HCN1: variants seen among roughly 807,000 people sequenced by gnomAD.
The protein encoded by HCN1 is hyperpolarization activated cyclic nucleotide gated potassium channel 1.
In HCN1, 13 loss-of-function variants were observed where a neutral mutation model predicts 78.9. That is an observed-to-expected ratio of 0.16 (90% confidence interval 0.11 to 0.26). The LOEUF (loss-of-function observed/expected upper bound fraction) is 0.26, where lower values mean the gene tolerates loss of function less well. HCN1 is among the 10% of genes least tolerant of loss of function. The pLI, the probability that HCN1 is intolerant of heterozygous loss-of-function variation, is 1.00. For synonymous variants in HCN1, 552 were observed against 455.5 expected (o/e 1.21, Z -2.70); for missense variants, 810 against 1,154.3 (o/e 0.70, Z 4.32).
chr5:45,441,490 G>A (rs536575202), intron 3 of HCN1, among the ~76,000 whole-genome samples: 65 of 152,226 alleles, frequency 4.3e-4, no homozygotes, highest in Non-Finnish European at 7.8e-4. Context: ...AACAAGTGGA[G>A]GCAAATTGAT....
At chr5:45,472,766 C>T (rs893294080) in intron 2 of HCN1, among the ~76,000 whole-genome samples, 3 of 151,922 alleles carry the variant, frequency 2.0e-5, no homozygotes, top group African/African-American at 7.2e-5. Context: ...TATCACATGT[C>T]TGTAATAAAG....
intron 3 of HCN1, among the ~76,000 whole-genome samples, chr5:45,448,685 C>G (rs1176398282): frequency 6.6e-6 from 1 of 152,154 alleles, no homozygotes; most frequent in African/African-American, 2.4e-5. Flanking sequence ...TGCTTGTACT[C>G]TCAGCTACCT....
chr5:45,409,118 G>A (rs1413067460), intron 3 of HCN1, among the ~76,000 whole-genome samples: 1 of 151,892 alleles, frequency 6.6e-6, no homozygotes, highest in Non-Finnish European at 1.5e-5. Context: ...AAAGAATTTG[G>A]ACTTTTTATG....
chr5:45,285,318 C>A (rs1579779292), intron 6 of HCN1, among the ~76,000 whole-genome samples: 1 of 152,004 alleles, frequency 6.6e-6, no homozygotes, highest in African/African-American at 2.4e-5. Flanking sequence ...ACAATAAATC[C>A]AAAATATCTT....
intron 2 of HCN1, among the ~76,000 whole-genome samples, chr5:45,624,253 G>T (rs182251172): frequency 2.3e-4 from 35 of 152,316 alleles, no homozygotes; most frequent in African/African-American, 7.9e-4. Context: ...TATGGCAAGT[G>T]TAGAAGTAAT....
At chr5:45,618,572 T>C (rs1003125352) in intron 2 of HCN1, among the ~76,000 whole-genome samples, 4 of 152,084 alleles carry the variant, frequency 2.6e-5, no homozygotes, top group Admixed American at 6.6e-5. Context: ...AAAGAGCAGT[T>C]AGAGAACACG....
chr5:45,642,088 T>C (rs910361440), intron 2 of HCN1: 5 of 152,226 alleles, frequency 3.3e-5, no homozygotes, highest in Admixed American at 2.6e-4. Context: ...CTCAGCTTTC[T>C]AGCTATTACA....
rs568156994 is a variant in HCN1 at position 45,332,186 on chromosome 5, A to AT, written c.1377+20913dup. On this transcript the variant is annotated intron_variant, in intron 5 of 7. Coordinates refer to ENST00000303230, the MANE Select transcript of HCN1 (RefSeq NM_021072.4). ...GGCATCTTTCTAATCTTTTCTTAAAATTTTTTTGTGGGTACATAGTAGTTG... is the reference window on the plus strand; with the variant it reads ...GGCATCTTTCTAATCTTTTCTTAAAATTTTTTTTGTGGGTACATAGTAGTTG... Among the ~76,000 whole-genome samples the AT allele has an allele frequency of 8.7e-4, 132 of 151,460 alleles. 1 individual carries two copies. The highest frequency in any genetic ancestry group is 3.1e-3 in the African/African-American group (127 of 41,438).
intron 3 of HCN1, among the ~76,000 whole-genome samples, chr5:45,399,710 T>A (rs1211070914): frequency 6.6e-6 from 1 of 152,130 alleles, no homozygotes; most frequent in Non-Finnish European, 1.5e-5. Context: ...ACATAGTTGC[T>A]AAAAAATAAA....
intron 3 of HCN1, among the ~76,000 whole-genome samples, chr5:45,426,697 A>G (rs1740354630): frequency 6.6e-6 from 1 of 152,294 alleles, no homozygotes; most frequent in East Asian, 1.9e-4. Context: ...TATTAGCAGC[A>G]TGAGAACGAA....
rs1210140519 is a variant in HCN1, at chr5:45,373,541, G to A, written c.1231-20295C>T. Among the ~76,000 whole-genome samples, 9 of 136,604 alleles carry A rather than the reference G, an allele frequency of 6.6e-5. No individual in the cohort carries two copies. The Admixed American group carries it at 7.2e-4, about 11-fold the overall frequency. The allele number at this position is 136,604 out of a possible 152,430, so 89.6% of individuals were successfully genotyped here. On this transcript the variant is annotated intron_variant, in intron 4 of 7. Transcript: ENST00000303230. The stretch of plus-strand genomic sequence containing the variant: ...AATATATATTACATACATTATATAG[G>A]TCATCTATAATATATATTACATACA...
chr5:45,333,317 G>A (rs1746384310), intron 5 of HCN1, among the ~76,000 whole-genome samples: 1 of 151,540 alleles, frequency 6.6e-6, no homozygotes, highest in Non-Finnish European at 1.5e-5. Flanking sequence ...AATCTTTTGA[G>A]TATTTTTTAT....
rs1579760548 is a variant in HCN1, at chr5:45,259,730, A to C, written c.*2191T>G. 6.6e-6 allele frequency: 1 copy of C among 152,426 alleles called. No individual in the cohort carries two copies. Among genetic ancestry groups the C allele is most frequent in the East Asian group, 1.9e-4 (1 of 5,198 alleles). The allele number at this position is 152,426 out of a possible 1,614,324, so 9.4% of individuals were successfully genotyped here. On this transcript the variant is annotated 3_prime_UTR_variant, in exon 8 of 8. Coordinates refer to ENST00000303230, the MANE Select transcript of HCN1 (RefSeq NM_021072.4). ...CCAATAGTGCTCAAAATAAAAAACC[A>C]AAAATTTATATATATAAAAATATTT...
At chr5:45,309,375 T>C (rs7717890) in intron 5 of HCN1, among the ~76,000 whole-genome samples, 49,437 of 151,980 alleles carry the variant, frequency 0.33, 10,383 homozygotes, top group African/African-American at 0.58. Context: ...TCTTTCCTAA[T>C]TGCTATGGCC....
At chr5:45,591,613 C>G (rs1744367054) in intron 2 of HCN1, among the ~76,000 whole-genome samples, 1 of 152,120 alleles carries the variant, frequency 6.6e-6, no homozygotes, top group Non-Finnish European at 1.5e-5. Flanking sequence ...TTTTTAAAAT[C>G]AGATTAAAGC....
chr5:45,641,453 A>G (rs920418232), intron 2 of HCN1, among the ~76,000 whole-genome samples: 1 of 152,164 alleles, frequency 6.6e-6, no homozygotes, highest in African/African-American at 2.4e-5. Context: ...ATAGATACAA[A>G]AGATCAAAAC....
At chr5:45,416,125 T>A (rs1740114336) in intron 3 of HCN1, among the ~76,000 whole-genome samples, 1 of 152,004 alleles carries the variant, frequency 6.6e-6, no homozygotes. Context: ...ATAGCAGATA[T>A]CATAAACAAT....
At chr5:45,597,672 G>A (rs898874622) in intron 2 of HCN1, among the ~76,000 whole-genome samples, 6 of 152,152 alleles carry the variant, frequency 3.9e-5, no homozygotes, top group Non-Finnish European at 5.9e-5. Flanking sequence ...AGAAAACTCC[G>A]TCATCTCAGC....
At chr5:45,539,919 GATATATATATATATATATAT>G (rs66934051) in intron 2 of HCN1, among the ~76,000 whole-genome samples, 20 of 126,106 alleles carry the variant, frequency 1.6e-4, no homozygotes, top group African/African-American at 3.3e-4. Flanking sequence ...TAAATTGTGA[GATATATATATATATATATAT>G]ATATATATAT....
Sources: allele counts gnomAD v4.1 joint callset (sites outside exome capture counted in the v4.1 genomes callset), GRCh38; gene constraint gnomAD v4.1.1; transcripts MANE v1.5; gene names NCBI Gene and HGNC (gene_info 2026-07-23, HGNC 2026-07-21).